Variants in TXNDC12 observed in about 807,000 individuals in gnomAD.
TXNDC12 encodes the protein thioredoxin domain containing 12, also known as thioredoxin domain-containing protein 12.
A neutral mutation model predicts 24.2 loss-of-function variants in TXNDC12; 22 were observed. The observed-to-expected ratio is 0.91, with a 90% CI of 0.65 to 1.30. The LOEUF (loss-of-function observed/expected upper bound fraction) is 1.30. Among genes scored for constraint, TXNDC12 ranks in the 50% most tolerant of loss-of-function variants. The pLI is 0.00. For missense variants in TXNDC12, 184 were observed against 205.8 expected (o/e 0.89, Z 0.65); for synonymous variants, 58 against 73.4 (o/e 0.79, Z 1.07).
intron 2 of TXNDC12, among the ~76,000 whole-genome samples, chr1:52,030,169 A>G (rs999248825): frequency 6.6e-6 from 1 of 152,162 alleles, no homozygotes; most frequent in Non-Finnish European, 1.5e-5. Flanking sequence ...CACAAGTCCA[A>G]GACCAGCCAG....
upstream of TXNDC12, chr1:52,055,995 C>T (rs1341233422): frequency 6.6e-6 from 1 of 152,156 alleles, no homozygotes; most frequent in African/African-American, 2.4e-5. Flanking sequence ...GTCCTAAAGT[C>T]CGTACTTAAT....
upstream of TXNDC12, chr1:52,055,380 G>A (rs1004970739): frequency 2.4e-6 from 1 of 420,890 alleles, no homozygotes; most frequent in Middle Eastern, 7.3e-4. Flanking sequence ...GTCCCGGGAC[G>A]GAGCGGGAAA....
Position 52,034,766 on chromosome 1 carries a change from A to T in TXNDC12, c.159-6136T>A, listed in dbSNP as rs574494790. Among the ~76,000 whole-genome samples, 31 of 151,166 alleles carry T rather than the reference A, an allele frequency of 2.1e-4. No homozygotes were observed. In the South Asian group the frequency reaches 5.9e-3, roughly 29 times the overall value. On this transcript the variant is annotated intron_variant, in intron 2 of 6. Transcript: ENST00000371626. Reference sequence around the variant, plus strand: ...TGGCCTGCATCCTTTATTTTATTTTATTATTATTATTTTTTGAGATGGAGC... The same window carrying T: ...TGGCCTGCATCCTTTATTTTATTTTTTTATTATTATTTTTTGAGATGGAGC...
At chr1:52,044,583 G>C (rs1252568633) in intron 1 of TXNDC12, among the ~76,000 whole-genome samples, 1 of 152,158 alleles carries the variant, frequency 6.6e-6, no homozygotes, top group Admixed American at 6.5e-5. Flanking sequence ...TCAGATATTA[G>C]AATTATCAGC....
chr1:52,038,603 C>G (rs1359247314), intron 2 of TXNDC12, among the ~76,000 whole-genome samples: 1 of 152,190 alleles, frequency 6.6e-6, no homozygotes, highest in African/African-American at 2.4e-5. Context: ...ACACTGCGCC[C>G]AGCCTGTCTT....
At chr1:52,051,339 A>G (rs1426655813) in intron 1 of TXNDC12, among the ~76,000 whole-genome samples, 4 of 152,174 alleles carry the variant, frequency 2.6e-5, no homozygotes, top group African/African-American at 9.7e-5. Flanking sequence ...CCAGAACTAA[A>G]TGGCCTGATC....
intron 1 of TXNDC12, among the ~76,000 whole-genome samples, chr1:52,049,306 G>A (rs1389921428): frequency 2.0e-5 from 3 of 152,098 alleles, no homozygotes; most frequent in East Asian, 1.9e-4. Flanking sequence ...GAGGTATAAC[G>A]TGAAAATAGT....
chr1:52,037,442 C>T (rs1297352271), intron 2 of TXNDC12, among the ~76,000 whole-genome samples: 1 of 152,096 alleles, frequency 6.6e-6, no homozygotes, highest in Admixed American at 6.6e-5. Context: ...GAACTCCCAA[C>T]TTCAGGTGAT....
chr1:52,033,491 G>A, intron 2 of TXNDC12: 3 of 1,613,874 alleles, frequency 1.9e-6, no homozygotes, highest in Non-Finnish European at 2.5e-6. Context: ...AGGCAGTAGA[G>A]CTCGTAACGG....
chr1:52,026,380 A>G (rs971600654), intron 4 of TXNDC12, among the ~76,000 whole-genome samples: 6 of 152,168 alleles, frequency 3.9e-5, no homozygotes, highest in South Asian at 2.1e-4. Context: ...CTGACATTCT[A>G]TGACTCAGGA....
chr1:52,034,581 T>C (rs1196318900), intron 2 of TXNDC12, among the ~76,000 whole-genome samples: 1 of 152,126 alleles, frequency 6.6e-6, no homozygotes, highest in East Asian at 1.9e-4. Flanking sequence ...AAACTTCAAA[T>C]TTAACTGGGC....
intron 2 of TXNDC12, among the ~76,000 whole-genome samples, chr1:52,038,161 T>C (rs1685918952): frequency 6.6e-6 from 1 of 152,076 alleles, no homozygotes; most frequent in African/African-American, 2.4e-5. Flanking sequence ...ACTATTAATG[T>C]CCTTTGTGGC....
At chr1:52,025,495 G>A (rs751595750) in intron 4 of TXNDC12, among the ~76,000 whole-genome samples, 1 of 152,216 alleles carries the variant, frequency 6.6e-6, no homozygotes, top group Non-Finnish European at 1.5e-5. Flanking sequence ...TGGGATCACA[G>A]GCATAAGCCA....
chr1:52,033,808 G>T, intron 2 of TXNDC12: 1 of 1,506,954 alleles, frequency 6.6e-7, no homozygotes. Flanking sequence ...CAACTTCCGG[G>T]TTGTACGCGT....
At chr1:52,040,431 C>T (rs1200374688) in intron 2 of TXNDC12, among the ~76,000 whole-genome samples, 1 of 152,142 alleles carries the variant, frequency 6.6e-6, no homozygotes, top group African/African-American at 2.4e-5. Context: ...AAGTGATCTG[C>T]CCGCCTCAAC....
chr1:52,020,257 T>C lies in TXNDC12; in HGVS notation c.*676A>G. ...ACACCTAGGGCTTGAAGGTTTGAGT[T>C]TCTCCAACAGTAACAAGGGAAAGCA... On this transcript the variant is annotated 3_prime_UTR_variant, in exon 7 of 7. Transcript: ENST00000371626. The C allele has an allele frequency of 3.1e-6, 1 of 321,148 alleles. No individual in the cohort carries two copies. Among genetic ancestry groups the C allele is most frequent in the South Asian group, 4.4e-5 (1 of 22,688 alleles). 19.9% of individuals were successfully genotyped at this position (321,148 alleles called of 1,614,324 possible). A position where few individuals can be genotyped will look rare whatever the true frequency, so the allele number is the denominator to read the frequency against.
intron 2 of TXNDC12, among the ~76,000 whole-genome samples, chr1:52,031,221 G>A (rs1282444633): frequency 8.0e-5 from 12 of 150,006 alleles, no homozygotes; most frequent in Non-Finnish European, 1.6e-4. Flanking sequence ...GTGCAGTGGC[G>A]CGATCTCGGC....
chr1:52,024,299 T>A (rs1275513195), intron 5 of TXNDC12, among the ~76,000 whole-genome samples: 1 of 152,226 alleles, frequency 6.6e-6, no homozygotes, highest in Non-Finnish European at 1.5e-5. Flanking sequence ...GCCAAACTTT[T>A]GTCATTGCTT....
At chr1:52,033,091 C>A (rs1328100785) in intron 2 of TXNDC12, 1 of 1,610,120 alleles carries the variant, frequency 6.2e-7, no homozygotes, top group Non-Finnish European at 8.5e-7. Flanking sequence ...CCGGTCCCAG[C>A]GATTCCGAGA....
Sources: gnomAD v4.1 joint callset for allele counts (sites outside exome capture counted in the v4.1 genomes callset) on GRCh38, gnomAD v4.1.1 for gene constraint, MANE v1.5 for transcripts, NCBI Gene and HGNC (gene_info 2026-07-23, HGNC 2026-07-21) for gene names.